The following SMPD4 variants were observed in gnomAD, a reference collection of about 807,000 sequenced individuals.
SMPD4 encodes sphingomyelin phosphodiesterase 4.
In SMPD4, 58 loss-of-function variants were observed where a neutral mutation model predicts 97.8. The observed-to-expected ratio is 0.59, with a 90% confidence interval of 0.48 to 0.74. The LOEUF (loss-of-function observed/expected upper bound fraction) is 0.74, where lower values mean the gene tolerates loss of function less well. Ranked by LOEUF, SMPD4 falls within the 30% of genes least tolerant of loss-of-function variation. The pLI is 0.00. For synonymous variants in SMPD4, 388 were observed against 450.0 expected, an observed-to-expected ratio of 0.86 and a Z score of 1.74; for missense variants, 853 against 1,080.5, an observed-to-expected ratio of 0.79 and a Z score of 2.95.
At chr2:130,181,295 C>A in intron 1 of SMPD4, 3 of 1,403,442 alleles carry the variant, frequency 2.1e-6, no homozygotes, top group Non-Finnish European at 2.8e-6. Flanking sequence ...CGAACACCTA[C>A]CGGACCGGGA....
chr2:130,170,771 A>AG (rs1397042951), intron 8 of SMPD4, among the ~76,000 whole-genome samples: 1 of 151,802 alleles, frequency 6.6e-6, no homozygotes, highest in East Asian at 2.0e-4. Context: ...CTCAAAAAAA[A>AG]AAAAATGCTG....
intron 1 of SMPD4, 90 bp downstream of exon 1, chr2:130,181,440 C>G: frequency 6.6e-7 from 1 of 1,521,046 alleles, no homozygotes; most frequent in South Asian, 1.2e-5. Context: ...AGTCCTGGGG[C>G]TCGCGGAGGA....
chr2:130,160,443 T>C (rs1380850002), intron 11 of SMPD4, among the ~76,000 whole-genome samples: 3 of 152,262 alleles, frequency 2.0e-5, no homozygotes, highest in African/African-American at 7.2e-5. Flanking sequence ...CAGATTCCTC[T>C]GTCATCCCTG....
chr2:130,173,488 C>T, intron 4 of SMPD4, 26 bp downstream of exon 4: 1 of 1,588,600 alleles, frequency 6.3e-7, no homozygotes, highest in African/African-American at 1.3e-5. Context: ...ATCACCCAGC[C>T]TCTCTCCGGT....
chr2:130,178,903 TCA>T, intron 1 of SMPD4, among the ~76,000 whole-genome samples: 1 of 152,212 alleles, frequency 6.6e-6, no homozygotes, highest in East Asian at 1.9e-4. Flanking sequence ...GACCTAGACT[TCA>T]CAGACAGGAA....
intron 3 of SMPD4, among the ~76,000 whole-genome samples, 171 bp from the exon 4 acceptor site, chr2:130,173,827 A>G (rs1367133937): frequency 6.6e-6 from 1 of 152,152 alleles, no homozygotes; most frequent in Non-Finnish European, 1.5e-5. Context: ...GCCAACGACA[A>G]GAGCAGCTTT....
intron 11 of SMPD4, among the ~76,000 whole-genome samples, chr2:130,160,845 G>A (rs1228551304): frequency 6.6e-6 from 1 of 152,196 alleles, no homozygotes; most frequent in Non-Finnish European, 1.5e-5. Context: ...CCACTGCTGA[G>A]GCCTGAGGAC....
intron 11 of SMPD4, 108 bp downstream of exon 11, chr2:130,161,078 G>T (rs1687353222): frequency 1.9e-6 from 2 of 1,074,040 alleles, no homozygotes; most frequent in Non-Finnish European, 2.8e-6. Flanking sequence ...GCTTCGTTCT[G>T]CTTGGAACTA....
At chr2:130,180,217 C>T (rs986815122) in intron 1 of SMPD4, among the ~76,000 whole-genome samples, 4 of 151,890 alleles carry the variant, frequency 2.6e-5, no homozygotes, top group Admixed American at 6.6e-5. Context: ...CCCGCCTCAG[C>T]CTCCCAAAGT....
At chr2:130,177,515 T>C (rs571152835) in intron 1 of SMPD4, among the ~76,000 whole-genome samples, 1 of 151,990 alleles carries the variant, frequency 6.6e-6, no homozygotes, top group South Asian at 2.1e-4. Flanking sequence ...CTGGCTAACA[T>C]GGTGAAAACC....
intron 9 of SMPD4, among the ~76,000 whole-genome samples, chr2:130,165,108 TAAAAAAAAAAAA>T (rs35361623): frequency 3.2e-5 from 2 of 61,900 alleles, no homozygotes; most frequent in Non-Finnish European, 6.0e-5. Flanking sequence ...GACTCTGATT[TAAAAAAAAAAAA>T]AAAAAAAAAA....
chr2:130,157,028 A>G (rs976997766), intron 12 of SMPD4, among the ~76,000 whole-genome samples: 18 of 152,058 alleles, frequency 1.2e-4, no homozygotes, highest in African/African-American at 4.1e-4. Flanking sequence ...TGGCAGCACA[A>G]TGGGGCCTCT....
chr2:130,177,808 T>C (rs1689114307), intron 1 of SMPD4, among the ~76,000 whole-genome samples: 2 of 152,222 alleles, frequency 1.3e-5, no homozygotes, highest in Non-Finnish European at 2.9e-5. Context: ...GCATTTGTTA[T>C]ATACCAGGAC....
intron 1 of SMPD4, among the ~76,000 whole-genome samples, chr2:130,179,170 C>T (rs570656191): frequency 1.3e-5 from 2 of 148,878 alleles, no homozygotes; most frequent in African/African-American, 5.0e-5. Flanking sequence ...GTTGCCCAGG[C>T]TAGAGTCCTG....
At position 130,154,791 on chromosome 2, in the gene SMPD4, C is replaced by T. The variant is rs1284654626; in HGVS notation, c.1453+305G>A. 4.3e-5 allele frequency: 25 copies of T among 588,080 alleles called. No homozygotes were observed. In the East Asian group the frequency reaches 5.0e-4, roughly 12 times the overall value. 36.4% of individuals were successfully genotyped at this position (588,080 alleles called of 1,614,324 possible). ...CAGAGACCAGGCTCACCTCCTGAAGCGGCCAACACGAGTTGCCAGGGAGAA... is the reference window on the plus strand; with the variant it reads ...CAGAGACCAGGCTCACCTCCTGAAGTGGCCAACACGAGTTGCCAGGGAGAA... On this transcript the variant is annotated intron_variant, in intron 15 of 19. Transcript: ENST00000680298.
At chr2:130,161,133 C>G in intron 11 of SMPD4, 53 bp downstream of exon 11, 1 of 1,564,826 alleles carries the variant, frequency 6.4e-7, no homozygotes, top group South Asian at 1.1e-5. Context: ...CCTTGCTTTG[C>G]CAGGCATGGA....
intron 2 of SMPD4, among the ~76,000 whole-genome samples, chr2:130,175,597 A>C (rs753881627): frequency 1.1e-4 from 16 of 152,226 alleles, no homozygotes; most frequent in Non-Finnish European, 1.8e-4. Flanking sequence ...CTAATCATGA[A>C]GGCAATGGAG....
intron 1 of SMPD4, among the ~76,000 whole-genome samples, chr2:130,179,745 C>A (rs1205024493): frequency 6.6e-6 from 1 of 151,892 alleles, no homozygotes; most frequent in Admixed American, 6.6e-5. Flanking sequence ...ACTTCCGACT[C>A]CCTGGTTCAA....
chr2:130,181,103 T>C (rs1172268693), intron 1 of SMPD4, among the ~76,000 whole-genome samples: 2 of 152,158 alleles, frequency 1.3e-5, no homozygotes, highest in Non-Finnish European at 2.9e-5. Flanking sequence ...TTCCCAACTC[T>C]CCTGCCAATT....
Sources: gnomAD v4.1 joint callset for allele counts (sites outside exome capture counted in the v4.1 genomes callset) on GRCh38, gnomAD v4.1.1 for gene constraint, MANE v1.5 for transcripts, NCBI Gene and HGNC (gene_info 2026-07-23, HGNC 2026-07-21) for gene names.